Variants in ZNF618 observed in about 807,000 individuals in gnomAD.
ZNF618 encodes neural precursor cell expressed, developmentally down-regulated 10.
A neutral mutation model predicts 103.0 loss-of-function variants in ZNF618; 34 were observed. The ratio of observed to expected loss-of-function variants is 0.33; its 90% CI spans 0.25 to 0.44. The LOEUF is 0.44. Ranked by LOEUF, ZNF618 falls within the 20% of genes least tolerant of loss-of-function variation. The probability of loss-of-function intolerance (pLI) is 1.00; values close to 1 mark genes in which losing one functional copy is unlikely to be tolerated. For synonymous variants in ZNF618, 551 were observed against 542.2 expected (o/e 1.02, Z -0.23); for missense variants, 1,059 against 1,295.4 (o/e 0.82, Z 2.80).
chr9:113,951,495 A>ACACACATATG (rs1564207504), intron 1 of ZNF618, among the ~76,000 whole-genome samples: 1 of 40,246 alleles, frequency 2.5e-5, no homozygotes, highest in African/African-American at 6.5e-5. Flanking sequence ...ATATGTGTGT[A>ACACACATATG]TGTGTACACA....
chr9:114,017,903 C>T (rs1842777902), intron 10 of ZNF618, among the ~76,000 whole-genome samples: 2 of 152,070 alleles, frequency 1.3e-5, no homozygotes, highest in Admixed American at 1.3e-4. Context: ...CCCCTCTGGG[C>T]AGAGTGGCAG....
chr9:114,019,772 G>C (rs146149236), intron 10 of ZNF618, among the ~76,000 whole-genome samples: 1 of 152,244 alleles, frequency 6.6e-6, no homozygotes, highest in East Asian at 1.9e-4. Context: ...ATGTACTGTG[G>C]ATTTTTCTCC....
Position 114,054,938 on chromosome 9 carries a change from C to CCCCACCCCCCCG in ZNF618, c.*4779_*4790dup, listed in dbSNP as rs1485493357. On this transcript the variant is annotated 3_prime_UTR_variant, in exon 15 of 15. Coordinates refer to ENST00000374126, the MANE Select transcript of ZNF618 (RefSeq NM_001318042.2). ...CATATTCATGCCCCGTCCCTTCCCCCCCCACCCCCCCGCCCACCCACCACG... is the reference window on the plus strand; with the variant it reads ...CATATTCATGCCCCGTCCCTTCCCCCCCCACCCCCCCGCCCACCCCCCCGCCCACCCACCACG... The CCCCACCCCCCCG allele has an allele frequency of 1.5e-5, 2 of 136,566 alleles. No individual in the cohort carries two copies. Among genetic ancestry groups the CCCCACCCCCCCG allele is most frequent in the Non-Finnish European group, 3.2e-5 (2 of 63,078 alleles). 8.5% of individuals were successfully genotyped at this position (136,566 alleles called of 1,614,324 possible). A position where few individuals can be genotyped will look rare whatever the true frequency, so the allele number is the denominator to read the frequency against.
intron 1 of ZNF618, among the ~76,000 whole-genome samples, chr9:113,961,094 C>T (rs1391266821): frequency 3.9e-5 from 6 of 152,234 alleles, no homozygotes; most frequent in African/African-American, 1.2e-4. Context: ...CCTGCATCTA[C>T]AGTTTTATTC....
chr9:113,890,504 A>G (rs1829521576), intron 1 of ZNF618, among the ~76,000 whole-genome samples: 1 of 152,224 alleles, frequency 6.6e-6, no homozygotes, highest in African/African-American at 2.4e-5. Context: ...TGCATGGCCC[A>G]AAATTCAGTG....
intron 4 of ZNF618, 33 bp downstream of exon 4, chr9:113,998,387 G>C (rs556869197): frequency 9.8e-6 from 15 of 1,534,338 alleles, no homozygotes; most frequent in Non-Finnish European, 1.2e-5. Flanking sequence ...TGCCTGATCC[G>C]GGGCCAGTAT....
At chr9:114,024,841 C>T (rs1843363742) in intron 10 of ZNF618, among the ~76,000 whole-genome samples, 1 of 151,920 alleles carries the variant, frequency 6.6e-6, no homozygotes, top group Admixed American at 6.6e-5. Flanking sequence ...ATGCACATTT[C>T]TGGAGTTCTT....
chr9:113,964,564 T>C (rs557037242), intron 1 of ZNF618, among the ~76,000 whole-genome samples: 40 of 152,148 alleles, frequency 2.6e-4, no homozygotes, highest in African/African-American at 9.4e-4. Flanking sequence ...CATTTTATAA[T>C]TGAATTAAAT....
chr9:114,016,607 A>C, intron 9 of ZNF618, 88 bp from the exon 10 acceptor site: 2 of 920,408 alleles, frequency 2.2e-6, no homozygotes, highest in Non-Finnish European at 3.5e-6. Flanking sequence ...CAGAATGGGG[A>C]GGAGTTTTTT....
chr9:113,891,192 ATTTAT>A (rs1829587224), intron 1 of ZNF618, among the ~76,000 whole-genome samples: 1 of 152,218 alleles, frequency 6.6e-6, no homozygotes, highest in Admixed American at 6.5e-5. Flanking sequence ...CATATTAAGA[ATTTAT>A]AGTGAAAAGG....
At chr9:114,038,147 G>C (rs1311971473) in intron 13 of ZNF618, among the ~76,000 whole-genome samples, 1 of 152,238 alleles carries the variant, frequency 6.6e-6, no homozygotes, top group Non-Finnish European at 1.5e-5. Flanking sequence ...ACCACTGCCT[G>C]AACATATCGC....
rs1171161063 is a variant in ZNF618, at chr9:114,049,674, C to T, written c.2372C>T (p.Ala791Val). 12 of 1,613,824 alleles carry T rather than the reference C, an allele frequency of 7.4e-6. No homozygotes were observed. The highest frequency in any genetic ancestry group is 1.0e-5 in the Non-Finnish European group (12 of 1,179,892). ...VSKLCHLFLE[A>V]LKENFKVHPA... is the part of the protein sequence containing the mutation. ...AAGCTCTGCCACCTCTTCCTGGAGG[C>T]GCTCAAGGAGAACTTCAAGGTGCAC... is the stretch of plus-strand genomic sequence containing the variant. Residue 791 changes from alanine (A) to valine (V), a missense_variant, in exon 15 of 15, where the codon GCG becomes GTG. Around this residue, in one of 6 missense-constraint regions of ZNF618, gnomAD observed 272 missense variants for 380.1 expected, o/e 0.72. Transcript: ENST00000374126.
rs200130226 is a variant in ZNF618 at position 114,049,781 on chromosome 9, G to T, written c.2479G>T (p.Gly827Cys). Residue 827 changes from glycine to cysteine, a missense_variant, in exon 15 of 15, where the codon GGC becomes TGC. By Grantham distance (159) the Gly-to-Cys change is radical. Coordinates refer to ENST00000374126, the MANE Select transcript of ZNF618 (RefSeq NM_001318042.2). Reference protein sequence around the residue: ...VPPYQHEEIIGKVCELINEVK... With the variant: ...VPPYQHEEIICKVCELINEVK... ...ACCCTACCAGCACGAGGAGATCATC[G>T]GCAAGGTCTGTGAGCTCATCAACGA... is the stretch of plus-strand genomic sequence containing the variant. The T allele has an allele frequency of 6.2e-7, 1 of 1,613,974 alleles. No homozygotes were observed. The highest frequency in any genetic ancestry group is 8.5e-7 in the Non-Finnish European group (1 of 1,179,898).
At chr9:113,903,443 C>T (rs1830719666) in intron 1 of ZNF618, among the ~76,000 whole-genome samples, 1 of 151,450 alleles carries the variant, frequency 6.6e-6, no homozygotes, top group Non-Finnish European at 1.5e-5. Flanking sequence ...TTCGCAAGGT[C>T]ATTCTATGTT....
At chr9:114,027,722 C>T (rs1391274619) in intron 10 of ZNF618, among the ~76,000 whole-genome samples, 5 of 152,100 alleles carry the variant, frequency 3.3e-5, no homozygotes, top group African/African-American at 1.2e-4. Flanking sequence ...CTGCCTCCAC[C>T]TGCCTGGGCC....
intron 1 of ZNF618, among the ~76,000 whole-genome samples, chr9:113,926,638 A>G (rs1460214366): frequency 6.6e-6 from 1 of 151,740 alleles, no homozygotes; most frequent in African/African-American, 2.4e-5. Flanking sequence ...CTTAGTTTCC[A>G]TCTCTCTGCT....
At chr9:114,016,905 G>C in intron 10 of ZNF618, 121 bp downstream of exon 10, 1 of 743,456 alleles carries the variant, frequency 1.3e-6, no homozygotes, top group African/African-American at 1.8e-5. Context: ...CTCAGTTCTG[G>C]GTCAGTCTTT....
At chr9:113,970,783 C>T (rs1837885995) in intron 2 of ZNF618, among the ~76,000 whole-genome samples, 1 of 151,442 alleles carries the variant, frequency 6.6e-6, no homozygotes, top group East Asian at 1.9e-4. Flanking sequence ...CCTGTTTATG[C>T]TCTTTAATTA....
intron 3 of ZNF618, among the ~76,000 whole-genome samples, chr9:113,992,736 T>A (rs1272396233): frequency 1.3e-5 from 2 of 152,206 alleles, no homozygotes; most frequent in Non-Finnish European, 2.9e-5. Context: ...ACAAACAATG[T>A]TCCCAGTGAC....
Sources: allele counts gnomAD v4.1 joint callset (sites outside exome capture counted in the v4.1 genomes callset), GRCh38; gene constraint gnomAD v4.1.1; regional missense constraint gnomAD v4.1.1; transcripts MANE v1.5; gene names NCBI Gene and HGNC (gene_info 2026-07-23, HGNC 2026-07-21).